LRRTM4: variants seen among roughly 807,000 people sequenced by gnomAD.
LRRTM4 encodes leucine-rich repeat transmembrane neuronal protein 4.
LRRTM4 carries 25 observed loss-of-function variants against 47.6 expected under a neutral mutation model. That is an observed-to-expected ratio of 0.53 (90% confidence interval 0.38 to 0.73). The LOEUF is 0.73. Among genes scored for constraint, LRRTM4 ranks in the 30% least tolerant of loss-of-function variants. The pLI is 0.00. For synonymous variants in LRRTM4, 311 were observed against 269.5 expected (o/e 1.15, Z -1.51); for missense variants, 638 against 713.4 (o/e 0.89, Z 1.20).
At chr2:77,084,360 G>A (rs1322121305) in intron 3 of LRRTM4, among the ~76,000 whole-genome samples, 5 of 152,298 alleles carry the variant, frequency 3.3e-5, no homozygotes, top group Middle Eastern at 6.8e-3. Flanking sequence ...GATGCAATCA[G>A]CCTACGTCCT....
chr2:76,882,272 C>G (rs1352523594), intron 3 of LRRTM4, among the ~76,000 whole-genome samples: 1 of 151,944 alleles, frequency 6.6e-6, no homozygotes, highest in Non-Finnish European at 1.5e-5. Flanking sequence ...TAGGAGTGAA[C>G]AGGGTTCTAA....
intron 3 of LRRTM4, among the ~76,000 whole-genome samples, chr2:77,082,921 C>A: frequency 6.6e-6 from 1 of 152,092 alleles, no homozygotes; most frequent in Middle Eastern, 3.4e-3. Context: ...ACTTGTTGTG[C>A]ATCTTATATT....
chr2:77,006,340 G>T (rs995128044), intron 3 of LRRTM4, among the ~76,000 whole-genome samples: 1 of 152,074 alleles, frequency 6.6e-6, no homozygotes, highest in African/African-American at 2.4e-5. Flanking sequence ...AAATTCTCAA[G>T]CTCATTTTTA....
chr2:77,521,830 G>A lies in LRRTM4; in HGVS notation c.-147-12C>T, dbSNP rs867485297. On this transcript the variant is annotated splice_polypyrimidine_tract_variant and intron_variant, in intron 1 of 3. Transcript: ENST00000409884. ...TAGCCCCATACAAACTTCCCCGAGA[G>A]GACAGGCAAAAAAAAAAAAAAAAAA... 20 of 410,534 alleles carry A rather than the reference G, an allele frequency of 4.9e-5. No homozygotes were observed. The Middle Eastern group carries it at 4.5e-3, about 93-fold the overall frequency. 25.4% of individuals were successfully genotyped at this position (410,534 alleles called of 1,614,324 possible).
At chr2:77,326,875 T>C (rs1278770593) in intron 3 of LRRTM4, among the ~76,000 whole-genome samples, 1 of 152,210 alleles carries the variant, frequency 6.6e-6, no homozygotes, top group Non-Finnish European at 1.5e-5. Flanking sequence ...TTCACATGTG[T>C]TTGAGACCAT....
chr2:77,064,432 AAGT>A (rs1679887670), intron 3 of LRRTM4, among the ~76,000 whole-genome samples: 1 of 152,204 alleles, frequency 6.6e-6, no homozygotes, highest in African/African-American at 2.4e-5. Flanking sequence ...CTTAATTTGA[AAGT>A]AGATTTCAAA....
intron 3 of LRRTM4, among the ~76,000 whole-genome samples, chr2:77,038,779 A>T (rs1270598580): frequency 1.3e-5 from 2 of 151,370 alleles, no homozygotes; most frequent in East Asian, 1.9e-4. Context: ...TTGATAGGGG[A>T]ATCAGTTGGA....
intron 3 of LRRTM4, among the ~76,000 whole-genome samples, chr2:76,754,949 A>G (rs371799251): frequency 6.6e-6 from 1 of 152,166 alleles, no homozygotes; most frequent in Non-Finnish European, 1.5e-5. Flanking sequence ...AAAAGACCCT[A>G]GATATGTAGA....
chr2:76,896,946 G>A (rs889959448), intron 3 of LRRTM4, among the ~76,000 whole-genome samples: 2 of 151,382 alleles, frequency 1.3e-5, no homozygotes, highest in African/African-American at 2.4e-5. Flanking sequence ...GTTTGAAACA[G>A]GGAAATTAGA....
At chr2:77,439,889 G>T (rs1450649065) in intron 3 of LRRTM4, among the ~76,000 whole-genome samples, 1 of 152,068 alleles carries the variant, frequency 6.6e-6, no homozygotes, top group Non-Finnish European at 1.5e-5. Flanking sequence ...AGAGAAAATC[G>T]AAGCATTGCT....
intron 3 of LRRTM4, among the ~76,000 whole-genome samples, chr2:77,507,282 T>C (rs1678811221): frequency 6.6e-6 from 1 of 152,170 alleles, no homozygotes; most frequent in Non-Finnish European, 1.5e-5. Context: ...TTTGCTTATA[T>C]AATTAATTAT....
intron 3 of LRRTM4, among the ~76,000 whole-genome samples, chr2:77,314,756 T>C (rs1460508391): frequency 6.6e-6 from 1 of 152,214 alleles, no homozygotes; most frequent in Admixed American, 6.5e-5. Context: ...TTCTACTTTA[T>C]GATAGTGTGA....
intron 3 of LRRTM4, among the ~76,000 whole-genome samples, chr2:77,464,067 T>G (rs186351940): frequency 6.6e-6 from 1 of 152,222 alleles, no homozygotes; most frequent in Non-Finnish European, 1.5e-5. Context: ...CTGGGCTTGA[T>G]GGACTAGTAA....
In LRRTM4 at chr2:77,245,700, A is replaced by T. The variant is rs1377576687; in HGVS notation, c.1551+272618T>A. ...CTTTCTCAGAGCAAACTAGCTCTCA[A>T]TCTAGCTTATGAAAATAGAGGTTAT... is the stretch of plus-strand genomic sequence containing the variant. On this transcript the variant is annotated intron_variant, in intron 3 of 3. Coordinates refer to ENST00000409884, the MANE Select transcript of LRRTM4 (RefSeq NM_001134745.3). Among the ~76,000 whole-genome samples the T allele has an allele frequency of 2.0e-5, 3 of 152,030 alleles. No individual in the cohort carries two copies. The South Asian group carries it at 6.2e-4, about 31-fold the overall frequency.
chr2:76,890,561 C>A (rs183875944), intron 3 of LRRTM4, among the ~76,000 whole-genome samples: 2 of 151,912 alleles, frequency 1.3e-5, no homozygotes, highest in African/African-American at 4.8e-5. Flanking sequence ...GAAATTTATA[C>A]CTTAACAAAA....
intron 3 of LRRTM4, among the ~76,000 whole-genome samples, chr2:76,838,970 C>T (rs1671595040): frequency 6.6e-6 from 1 of 152,026 alleles, no homozygotes; most frequent in African/African-American, 2.4e-5. Context: ...ACAATACTGG[C>T]AATGAAATAC....
intron 3 of LRRTM4, among the ~76,000 whole-genome samples, chr2:76,968,340 G>GATA (rs1676097793): frequency 1.3e-5 from 1 of 76,644 alleles, no homozygotes; most frequent in Non-Finnish European, 2.6e-5. Context: ...GTGTATGTGT[G>GATA]TATATATATA....
rs572559760 is a variant in LRRTM4, at chr2:77,287,408, A to T, written c.1551+230910T>A. Among the ~76,000 whole-genome samples the T allele has an allele frequency of 3.7e-3, 562 of 151,836 alleles. 2 individuals are homozygous for T. The highest frequency in any genetic ancestry group is 4.8e-3 in the Non-Finnish European group (329 of 67,926). On this transcript the variant is annotated intron_variant, in intron 3 of 3. Coordinates refer to ENST00000409884, the MANE Select transcript of LRRTM4 (RefSeq NM_001134745.3). ...TTAAAATTTAAAATATATATTATAT[A>T]TCTATCATATGTATATATTAGATAT...
At chr2:76,814,686 A>T (rs1467460683) in intron 3 of LRRTM4, among the ~76,000 whole-genome samples, 1 of 151,918 alleles carries the variant, frequency 6.6e-6, no homozygotes, top group Non-Finnish European at 1.5e-5. Flanking sequence ...TATATAAGGG[A>T]CTTGAGTATC....
Sources: allele counts gnomAD v4.1 joint callset (sites outside exome capture counted in the v4.1 genomes callset), GRCh38; gene constraint gnomAD v4.1.1; transcripts MANE v1.5; gene names NCBI Gene and HGNC (gene_info 2026-07-23, HGNC 2026-07-21).